The following IQCM variants were observed in gnomAD, a reference collection of about 807,000 sequenced individuals.
The protein encoded by IQCM is IQ motif containing M, also known as IQ domain-containing protein M.
A neutral mutation model predicts 57.6 loss-of-function variants in IQCM; 45 were observed. The observed-to-expected ratio is 0.78, with a 90% CI of 0.62 to 1.00. IQCM has a LOEUF of 1.00. Ranked by LOEUF, IQCM falls within the 50% of genes least tolerant of loss-of-function variation. The pLI, the probability that IQCM is intolerant of heterozygous loss-of-function variation, is 0.00. For synonymous variants in IQCM, 148 were observed against 158.9 expected (o/e 0.93, Z 0.51); for missense variants, 468 against 511.6 (o/e 0.91, Z 0.82).
Position 149,717,670 on chromosome 4 carries a change from G to A in IQCM, c.385+15574C>T, listed in dbSNP as rs138661165. 4.4e-3 allele frequency among the ~76,000 whole-genome samples: 664 copies of A among 152,274 alleles called. 3 individuals are homozygous for A. The highest frequency in any genetic ancestry group is 0.014 in the Middle Eastern group (4 of 294). ...AGAATTGAGCCTGAAAAAGGTTAAA[G>A]TAATACAAATGTTAATGGGTGAGGT... On this transcript the variant is annotated intron_variant, in intron 5 of 13. Coordinates refer to ENST00000636793, the MANE Select transcript of IQCM (RefSeq NM_001363507.2).
chr4:149,569,812 G>A lies in IQCM; in HGVS notation c.750-5922C>T, dbSNP rs529793510. Among the ~76,000 whole-genome samples, 74 of 151,928 alleles carry A rather than the reference G, an allele frequency of 4.9e-4. 1 individual carries two copies. In the South Asian group the frequency reaches 0.015, roughly 32 times the overall value. On this transcript the variant is annotated intron_variant, in intron 9 of 13. Transcript: ENST00000636793. ...CCTCCAGAAACAGAAAACTTCATAT[G>A]GTAATCTGCTTAAACCAAGATCAGC...
At chr4:149,666,398 G>C in intron 7 of IQCM, among the ~76,000 whole-genome samples, 1 of 152,146 alleles carries the variant, frequency 6.6e-6, no homozygotes. Context: ...ATCTGGCCCA[G>C]ATACTACGCT....
At chr4:149,538,104 T>TAA (rs1378219217) in intron 12 of IQCM, among the ~76,000 whole-genome samples, 1 of 151,444 alleles carries the variant, frequency 6.6e-6, no homozygotes, top group Non-Finnish European at 1.5e-5. Flanking sequence ...TTTATATATA[T>TAA]AACAGTATAA....
chr4:149,366,995 T>C (rs7678460), intron 13 of IQCM, among the ~76,000 whole-genome samples: 42,844 of 151,824 alleles, frequency 0.28, 6,175 homozygotes, highest in Middle Eastern at 0.33. Flanking sequence ...ATAATAACTG[T>C]CATTTAATGT....
chr4:149,385,062 G>T (rs1268307912), intron 13 of IQCM, among the ~76,000 whole-genome samples: 1 of 151,970 alleles, frequency 6.6e-6, no homozygotes, highest in Admixed American at 6.6e-5. Flanking sequence ...TGAGGGGTGG[G>T]ATTGCTATTG....
intron 8 of IQCM, among the ~76,000 whole-genome samples, chr4:149,601,694 G>A (rs1754309069): frequency 1.3e-5 from 2 of 152,110 alleles, no homozygotes; most frequent in Non-Finnish European, 2.9e-5. Context: ...GAAAGTATAT[G>A]TTTTAGTACA....
chr4:149,735,329 A>G, intron 4 of IQCM, 47 bp downstream of exon 4: 2 of 925,400 alleles, frequency 2.2e-6, no homozygotes, highest in Non-Finnish European at 2.8e-6. Flanking sequence ...TCCTTGTAGT[A>G]TGCAAAAATT....
intron 9 of IQCM, among the ~76,000 whole-genome samples, chr4:149,576,549 T>A (rs1196606549): frequency 6.6e-6 from 1 of 151,948 alleles, no homozygotes; most frequent in Non-Finnish European, 1.5e-5. Flanking sequence ...TCCAGCTATA[T>A]CCATGTTACT....
chr4:149,361,794 G>C (rs1729509855), intron 13 of IQCM, among the ~76,000 whole-genome samples: 1 of 152,196 alleles, frequency 6.6e-6, no homozygotes, highest in Admixed American at 6.5e-5. Context: ...TGTGGGGTTA[G>C]AGCCCCCACA....
intron 7 of IQCM, among the ~76,000 whole-genome samples, chr4:149,621,835 G>T (rs953232546): frequency 2.0e-5 from 3 of 151,046 alleles, no homozygotes; most frequent in Admixed American, 6.6e-5. Context: ...AGAGATTTAA[G>T]ATTTATTTGT....
rs151191775 is a variant in IQCM, at chr4:149,571,724, G to A, written c.750-7834C>T. ...TCATTCCGCAACATATATATACTTC[G>A]AAGCATCATGTTGTACACAATAAAT... is the stretch of plus-strand genomic sequence containing the variant. On this transcript the variant is annotated intron_variant, in intron 9 of 13. Coordinates refer to ENST00000636793, the MANE Select transcript of IQCM (RefSeq NM_001363507.2). 2.7e-3 allele frequency among the ~76,000 whole-genome samples: 409 copies of A among 152,060 alleles called. 2 individuals are homozygous for A. The highest frequency in any genetic ancestry group is 9.4e-3 in the African/African-American group (390 of 41,506).
At chr4:149,408,602 T>G (rs993058932) in intron 13 of IQCM, among the ~76,000 whole-genome samples, 2 of 152,156 alleles carry the variant, frequency 1.3e-5, no homozygotes, top group African/African-American at 4.8e-5. Context: ...ACTTGGAAAT[T>G]TGTTTAAATT....
intron 12 of IQCM, among the ~76,000 whole-genome samples, chr4:149,466,999 C>T (rs563488728): frequency 6.6e-6 from 1 of 152,298 alleles, no homozygotes; most frequent in African/African-American, 2.4e-5. Context: ...TCTAAAAGCA[C>T]TCCATTAATA....
At chr4:149,477,314 G>A (rs917379949) in intron 12 of IQCM, among the ~76,000 whole-genome samples, 65 of 152,186 alleles carry the variant, frequency 4.3e-4, no homozygotes, top group African/African-American at 1.5e-3. Context: ...TGACGCTCAG[G>A]CCTTTTCTGA....
chr4:149,768,223 CA>C (rs1354241581), intron 2 of IQCM, among the ~76,000 whole-genome samples: 1 of 152,066 alleles, frequency 6.6e-6, no homozygotes, highest in African/African-American at 2.4e-5. Context: ...ATGCCTTCAG[CA>C]AAGACATAAT....
chr4:149,762,389 G>C (rs1769611530), intron 2 of IQCM, among the ~76,000 whole-genome samples: 1 of 151,994 alleles, frequency 6.6e-6, no homozygotes, highest in African/African-American at 2.4e-5. Flanking sequence ...ACTGCATGGT[G>C]AATCTTTAAA....
At chr4:149,650,365 C>T (rs1001452730) in intron 7 of IQCM, among the ~76,000 whole-genome samples, 1 of 151,110 alleles carries the variant, frequency 6.6e-6, no homozygotes, top group Admixed American at 6.6e-5. Context: ...TTGGAGGCAA[C>T]ATGGCCCTTC....
intron 7 of IQCM, among the ~76,000 whole-genome samples, chr4:149,656,350 A>G (rs1345271993): frequency 6.6e-6 from 1 of 152,090 alleles, no homozygotes; most frequent in Non-Finnish European, 1.5e-5. Flanking sequence ...ATCTTGGTAT[A>G]AATTACTAAA....
chr4:149,779,612 T>A (rs981271344), intron 2 of IQCM, among the ~76,000 whole-genome samples: 21 of 152,100 alleles, frequency 1.4e-4, no homozygotes, highest in Non-Finnish European at 2.8e-4. Flanking sequence ...ATGGACTAAA[T>A]ATAAAATGTA....
Sources: allele counts gnomAD v4.1 joint callset (sites outside exome capture counted in the v4.1 genomes callset), GRCh38; gene constraint gnomAD v4.1.1; transcripts MANE v1.5; gene names NCBI Gene and HGNC (gene_info 2026-07-23, HGNC 2026-07-21).